PEX1: variants seen among roughly 807,000 people sequenced by gnomAD.
The protein encoded by PEX1 is peroxisomal ATPase PEX1.
PEX1 carries 97 observed loss-of-function variants against 152.5 expected under a neutral mutation model. The ratio of observed to expected loss-of-function variants is 0.64; its 90% CI spans 0.54 to 0.75. The LOEUF is 0.75. Among genes scored for constraint, PEX1 ranks in the 30% least tolerant of loss-of-function variants. PEX1 has a pLI of 0.00. For missense variants in PEX1, 1,357 were observed against 1,516.3 expected (o/e 0.89, Z 1.74); for synonymous variants, 485 against 531.6 (o/e 0.91, Z 1.21).
In PEX1 at chr7:92,496,772, TG is replaced by T. The variant is rs1057517503; in HGVS notation, c.2723del (p.Pro908GlnfsTer53). 1 of 1,599,500 alleles carries T rather than the reference TG, an allele frequency of 6.3e-7. No individual in the cohort carries two copies. Among genetic ancestry groups the T allele is most frequent in the Non-Finnish European group, 8.6e-7 (1 of 1,167,112 alleles). On this transcript the variant is annotated frameshift_variant, in exon 17 of 24. Coordinates refer to ENST00000248633, the MANE Select transcript of PEX1 (RefSeq NM_000466.3). LOFTEE classifies it high-confidence loss of function. ...CTCCAATGTATTTGCTGAGTAACTC[TG>T]GCCCCTATTGGGTAAAATAAGAGTT... ...SRMNFISVKG[P>X]ELLSKYIGAS...
chr7:92,494,738 A>G (rs1408542056), intron 17 of PEX1, 109 bp from the exon 18 acceptor site: 5 of 667,420 alleles, frequency 7.5e-6, no homozygotes, highest in Non-Finnish European at 8.7e-6. Flanking sequence ...ATATATTTAT[A>G]TACTTCTTTT....
At chr7:92,499,016 T>C (rs1164033703) in intron 16 of PEX1, among the ~76,000 whole-genome samples, 1 of 152,152 alleles carries the variant, frequency 6.6e-6, no homozygotes, top group Non-Finnish European at 1.5e-5. Flanking sequence ...TTTTAATAGA[T>C]GGATCGCTGC....
chr7:92,509,778 A>AT (rs1562859798), intron 8 of PEX1, among the ~76,000 whole-genome samples: 1 of 152,210 alleles, frequency 6.6e-6, no homozygotes, highest in Non-Finnish European at 1.5e-5. Flanking sequence ...AAACAATGAA[A>AT]TTCTAAATGA....
At chr7:92,492,488 G>C (rs1791388715) in intron 20 of PEX1, among the ~76,000 whole-genome samples, 1 of 152,112 alleles carries the variant, frequency 6.6e-6, no homozygotes, top group Non-Finnish European at 1.5e-5. Context: ...ACTGTATCTG[G>C]AAGTGAGGAA....
At position 92,489,781 on chromosome 7, in the gene PEX1, T is replaced by C; in HGVS notation, c.3569A>G (p.Gln1190Arg). The change falls in exon 22 of 24, where the codon CAA becomes CGA. Residue 1190 changes from glutamine (Q) to arginine (R), a missense_variant. Physicochemically the swap from Gln to Arg is conservative, Grantham distance 43 (BLOSUM62 1). Coordinates refer to ENST00000248633, the MANE Select transcript of PEX1 (RefSeq NM_000466.3). ...TGCCCTCAGTTGATCTCTTTGTTCT[T>C]GTGTAAGTTCTTGGCAACCCTCTTG... ...ASQEGCQELT[Q>R]EQRDQLRADI... 6.2e-7 allele frequency: 1 copy of C among 1,614,168 alleles called. No individual in the cohort carries two copies. Among genetic ancestry groups the C allele is most frequent in the Non-Finnish European group, 8.5e-7 (1 of 1,180,028 alleles).
chr7:92,506,385 G>C (rs756767059), intron 10 of PEX1, 41 bp from the exon 11 acceptor site: 4 of 1,222,352 alleles, frequency 3.3e-6, no homozygotes, highest in Non-Finnish European at 4.9e-6. Context: ...AATATATTCA[G>C]TCACAGAAAT....
chr7:92,494,410 GA>G lies in PEX1; in HGVS notation c.2927-15del. The G allele has an allele frequency of 6.2e-7, 1 of 1,611,968 alleles. No homozygotes were observed. The highest frequency in any genetic ancestry group is 8.5e-7 in the Non-Finnish European group (1 of 1,178,450). ...ATACATAAACACCTAGAGGAAAAAA[GA>G]ACATTTTTTTACCAAAATCTGATGA... On this transcript the variant is annotated splice_polypyrimidine_tract_variant and intron_variant, in intron 18 of 23. Transcript: ENST00000248633.
At position 92,499,798 on chromosome 7, in the gene PEX1, G is replaced by A. The variant is rs1435034216; in HGVS notation, c.2624C>T (p.Thr875Ile). The A allele has an allele frequency of 1.9e-6, 3 of 1,611,180 alleles. No individual in the cohort carries two copies. The highest frequency in any genetic ancestry group is 1.7e-5 in the Admixed American group (1 of 59,932). ...LFANLPIRQRTGILLYGPPGT... is the reference protein window; with the variant it reads ...LFANLPIRQRIGILLYGPPGT... ...AGGCGGACCATACAACAGTATTCCT[G>A]TTCTTTGTCGTATGGGCAAGTTTGC... Residue 875 changes from threonine (T) to isoleucine (I), a missense_variant, in exon 16 of 24, where the codon ACA (threonine) becomes ATA (isoleucine). Coordinates refer to ENST00000248633, the MANE Select transcript of PEX1 (RefSeq NM_000466.3).
intron 6 of PEX1, among the ~76,000 whole-genome samples, chr7:92,513,480 A>G (rs1057162694): frequency 2.0e-5 from 3 of 152,124 alleles, no homozygotes; most frequent in Non-Finnish European, 4.4e-5. Context: ...TTCTACTTAT[A>G]TATGAAATAT....
intron 15 of PEX1, among the ~76,000 whole-genome samples, chr7:92,500,987 A>G (rs541154036): frequency 1.9e-4 from 29 of 152,322 alleles, no homozygotes; most frequent in African/African-American, 6.7e-4. Flanking sequence ...CCCAGCAGAC[A>G]GTTCATCTTG....
At chr7:92,495,987 G>T (rs530903292) in intron 17 of PEX1, among the ~76,000 whole-genome samples, 1 of 151,616 alleles carries the variant, frequency 6.6e-6, no homozygotes, top group East Asian at 1.9e-4. Context: ...TTTCATTATC[G>T]TTTGCTCCCA....
In PEX1 at chr7:92,517,841, A is replaced by T. The variant is rs372485912; in HGVS notation, c.674T>A (p.Ile225Asn). 19 of 1,544,500 alleles carry T rather than the reference A, an allele frequency of 1.2e-5. No individual in the cohort carries two copies. In the African/African-American group the frequency reaches 2.1e-4, roughly 17 times the overall value. Residue 225 changes from isoleucine to asparagine, a missense_variant, in exon 5 of 24, where the codon ATC becomes AAC. Ile to Asn is a moderately radical substitution (Grantham distance 149). Transcript: ENST00000248633. Reference sequence around the variant, plus strand: ...TGACTCGTTTTCATTAGATTCAGTGATTCCCACAGTATTTGACTGAAGTTG... The same window carrying T: ...TGACTCGTTTTCATTAGATTCAGTGTTTCCCACAGTATTTGACTGAAGTTG... ...TKQLQSNTVG[I>N]TESNENESEI... is the part of the protein sequence containing the mutation.
At chr7:92,497,153 T>C (rs551546279) in intron 16 of PEX1, among the ~76,000 whole-genome samples, 1 of 152,330 alleles carries the variant, frequency 6.6e-6, no homozygotes, top group African/African-American at 2.4e-5. Context: ...CAGTGAATTA[T>C]ATACTGAATG....
chr7:92,490,241 C>T (rs1791219387), intron 21 of PEX1: 1 of 317,422 alleles, frequency 3.2e-6, no homozygotes. Context: ...GTTTCTGGGA[C>T]ATTTCTAAAT....
At chr7:92,526,794 T>G (rs777876296) in intron 1 of PEX1, among the ~76,000 whole-genome samples, 2 of 152,184 alleles carry the variant, frequency 1.3e-5, no homozygotes, top group African/African-American at 4.8e-5. Context: ...ACCTCATTTA[T>G]GTTAAAAATA....
At chr7:92,487,630 T>A in intron 23 of PEX1, 89 bp from the exon 24 acceptor site, 2 of 582,992 alleles carry the variant, frequency 3.4e-6, no homozygotes. Context: ...CAATTATATT[T>A]TAAGAAATGA....
intron 9 of PEX1, chr7:92,507,349 C>A: frequency 2.2e-6 from 1 of 449,514 alleles, no homozygotes; most frequent in Non-Finnish European, 4.0e-6. Context: ...GGTGATCCTC[C>A]TGCCTCAGCC....
At chr7:92,500,431 T>C (rs945917698) in intron 15 of PEX1, among the ~76,000 whole-genome samples, 1 of 152,236 alleles carries the variant, frequency 6.6e-6, no homozygotes, top group African/African-American at 2.4e-5. Context: ...CACTCACCTC[T>C]ACCTCTGCTC....
chr7:92,493,276 T>C (rs1241130791), intron 19 of PEX1, 147 bp from the exon 20 acceptor site: 1 of 504,126 alleles, frequency 2.0e-6, no homozygotes, highest in East Asian at 3.4e-5. Context: ...AACAGCCTAC[T>C]ATTTATCTTC....
Sources: allele counts gnomAD v4.1 joint callset (sites outside exome capture counted in the v4.1 genomes callset), GRCh38; gene constraint gnomAD v4.1.1; transcripts MANE v1.5; gene names NCBI Gene and HGNC (gene_info 2026-07-23, HGNC 2026-07-21).